Variants in PIGF observed in about 807,000 individuals in gnomAD.
PIGF encodes phosphatidylinositol glycan anchor biosynthesis class F.
Under a neutral mutation model 26.0 loss-of-function variants are expected in PIGF, and 23 were observed. The observed-to-expected ratio is 0.88, with a 90% CI of 0.64 to 1.25. The LOEUF is 1.25. PIGF is among the 50% of genes most tolerant of loss of function. The pLI is 0.00. For synonymous variants in PIGF, 93 were observed against 92.6 expected (o/e 1.00, Z -0.03); for missense variants, 278 against 249.9 (o/e 1.11, Z -0.76).
At chr2:46,599,743 GT>G (rs1215700791) in intron 4 of PIGF, among the ~76,000 whole-genome samples, 2 of 152,058 alleles carry the variant, frequency 1.3e-5, no homozygotes, top group South Asian at 2.1e-4. Flanking sequence ...CTGTGTGGAG[GT>G]TTTTTTGTTT....
intron 1 of PIGF, chr2:46,616,206 C>T (rs893699771): frequency 6.6e-6 from 1 of 152,184 alleles, no homozygotes; most frequent in Non-Finnish European, 1.5e-5. Context: ...TGAGGTGGTC[C>T]AAGGTCCCAT....
intron 4 of PIGF, among the ~76,000 whole-genome samples, chr2:46,610,765 G>T (rs982464958): frequency 6.6e-6 from 1 of 151,946 alleles, no homozygotes; most frequent in Non-Finnish European, 1.5e-5. Context: ...CCTGACCTCA[G>T]GTGATCCACC....
intron 5 of PIGF, chr2:46,582,846 GGAGA>G (rs950212386): frequency 2.0e-5 from 3 of 152,660 alleles, no homozygotes; most frequent in Non-Finnish European, 4.4e-5. Flanking sequence ...ATTGAAGAGT[GGAGA>G]GAGTCTACTG....
intron 1 of PIGF, chr2:46,615,402 T>G (rs1670584518): frequency 8.5e-6 from 3 of 350,888 alleles, no homozygotes; most frequent in Admixed American, 9.1e-5. Context: ...TCTCAGAGCC[T>G]AAAAAGAACA....
Position 46,588,162 on chromosome 2 carries a change from T to C in PIGF, c.546+4313A>G. The C allele has an allele frequency of 6.2e-7, 1 of 1,612,600 alleles. No homozygotes were observed. Among genetic ancestry groups the C allele is most frequent in the Admixed American group, 1.7e-5 (1 of 59,804 alleles). ...CATGGAGAGATCTATAAGTGCTACGTTTTCTTTCTACTGTCATCTGAAATG... is the reference window on the plus strand; with the variant it reads ...CATGGAGAGATCTATAAGTGCTACGCTTTCTTTCTACTGTCATCTGAAATG... On this transcript the variant is annotated intron_variant, in intron 5 of 5. Transcript: ENST00000281382. This position sits in a 1 kb window ranked among gnomAD's most constrained non-coding sequence, Gnocchi z 4.1.
At chr2:46,592,069 T>A in intron 5 of PIGF, 1 of 904,464 alleles carries the variant, frequency 1.1e-6, no homozygotes, top group Non-Finnish European at 1.5e-6. Flanking sequence ...ATTCCTATAC[T>A]GGCTGGGCTC....
Position 46,612,344 on chromosome 2 carries a change from C to T in PIGF, c.321G>A (p.Glu107=), listed in dbSNP as rs1274311090. The T allele has an allele frequency of 9.3e-6, 11 of 1,184,106 alleles. No individual in the cohort carries two copies. The highest frequency in any genetic ancestry group is 1.3e-5 in the Non-Finnish European group (11 of 847,690). 73.3% of individuals were successfully genotyped at this position (1,184,106 alleles called of 1,614,324 possible). ...IFVLYGAPLI[E]LALETFLFAV... ...CAAATAAAAATGTTTCCAATGCCAA[C>T]CTAGAAAAAAAAAAAGATTACTTTT... is the stretch of plus-strand genomic sequence containing the variant. The change falls in exon 4 of 6, where the codon GAG becomes GAA. Residue 107 remains glutamate, a splice_region_variant and synonymous_variant. Coordinates refer to ENST00000281382, the MANE Select transcript of PIGF (RefSeq NM_002643.4).
chr2:46,610,239 G>A (rs536723629), intron 4 of PIGF, among the ~76,000 whole-genome samples: 2 of 152,202 alleles, frequency 1.3e-5, no homozygotes, highest in African/African-American at 2.4e-5. Flanking sequence ...GGAACACACA[G>A]GCCACATTAT....
intron 4 of PIGF, among the ~76,000 whole-genome samples, chr2:46,610,333 C>T (rs1670371045): frequency 6.6e-6 from 1 of 152,126 alleles, no homozygotes; most frequent in South Asian, 2.1e-4. Context: ...CTGGAGAAAT[C>T]ACTAATCCAA....
At chr2:46,604,353 G>A (rs1251034047) in intron 4 of PIGF, among the ~76,000 whole-genome samples, 7 of 151,958 alleles carry the variant, frequency 4.6e-5, no homozygotes, top group Non-Finnish European at 7.4e-5. Context: ...CACATTGCTA[G>A]GTATATACCC....
intron 4 of PIGF, among the ~76,000 whole-genome samples, chr2:46,604,719 T>C (rs1436586740): frequency 2.0e-5 from 3 of 151,110 alleles, no homozygotes; most frequent in Admixed American, 2.0e-4. Context: ...GGAAGGGTAG[T>C]AGTGGGGGTG....
intron 4 of PIGF, among the ~76,000 whole-genome samples, chr2:46,599,774 C>T (rs1669998078): frequency 6.6e-6 from 1 of 152,010 alleles, no homozygotes; most frequent in Admixed American, 6.6e-5. Context: ...TCTAGGGTAG[C>T]ACTTTCTTTC....
At position 46,592,525 on chromosome 2, in the gene PIGF, C is replaced by T; in HGVS notation, c.496G>A (p.Ala166Thr). The change falls in exon 5 of 6, where the codon GCA becomes ACA. Residue 166 changes from alanine (A) to threonine (T), a missense_variant. Coordinates refer to ENST00000281382, the MANE Select transcript of PIGF (RefSeq NM_002643.4). ...GGAATAGGAAGTGCTCCAAGCCATG[C>T]TCCTACAAAGCTAGAAATTGTAGTG... ...QITTISSFVG[A>T]WLGALPIPLD... is the part of the protein sequence containing the mutation. 1 of 1,611,636 alleles carries T rather than the reference C, an allele frequency of 6.2e-7. No individual in the cohort carries two copies. Among genetic ancestry groups the T allele is most frequent in the Admixed American group, 1.7e-5 (1 of 60,020 alleles).
chr2:46,589,010 T>C lies in PIGF; in HGVS notation c.546+3465A>G, dbSNP rs145915303. 3.3e-5 allele frequency among the ~76,000 whole-genome samples: 5 copies of C among 152,282 alleles called. No individual in the cohort carries two copies. The highest frequency in any genetic ancestry group is 2.1e-4 in the South Asian group (1 of 4,828). On this transcript the variant is annotated intron_variant, in intron 5 of 5. Transcript: ENST00000281382. This position sits in a 1 kb window ranked among gnomAD's most constrained non-coding sequence, Gnocchi z 4.7. ...AGCAACTATAAGCTTTCTCTAGAAG[T>C]TGAAAAAGCCTATCTGGATTATGGG... is the stretch of plus-strand genomic sequence containing the variant.
chr2:46,608,590 T>C (rs1670297546), intron 4 of PIGF, among the ~76,000 whole-genome samples: 1 of 152,244 alleles, frequency 6.6e-6, no homozygotes, highest in Non-Finnish European at 1.5e-5. Flanking sequence ...ATGGCAGCTA[T>C]AGCCTTACAA....
At chr2:46,593,539 C>A (rs1014772375) in intron 4 of PIGF, among the ~76,000 whole-genome samples, 3 of 152,192 alleles carry the variant, frequency 2.0e-5, no homozygotes, top group African/African-American at 7.2e-5. Context: ...TCTGGTGATT[C>A]TGCCTACCGT....
Position 46,613,729 on chromosome 2 carries a change from A to G in PIGF, c.285T>C (p.His95=), listed in dbSNP as rs561177084. 2.6e-6 allele frequency: 4 copies of G among 1,560,058 alleles called. No homozygotes were observed. The South Asian group carries it at 3.4e-5, about 13-fold the overall frequency. The change falls in exon 3 of 6, where the codon CAT becomes CAC. Residue 95 remains histidine, a synonymous_variant. Transcript: ENST00000281382. ...GTGCTCCATACAGAACAAAAATTAC[A>G]TGAAAGGAGAAACAAGACATAAGAA... ...IYFLMSCFSF[H]VIFVLYGAPL...
At chr2:46,605,208 C>T (rs1462080342) in intron 4 of PIGF, among the ~76,000 whole-genome samples, 1 of 151,952 alleles carries the variant, frequency 6.6e-6, no homozygotes, top group Non-Finnish European at 1.5e-5. Context: ...TAATTATTTC[C>T]TAGCTTATTC....
chr2:46,607,022 C>G (rs1670244562), intron 4 of PIGF, among the ~76,000 whole-genome samples: 1 of 152,138 alleles, frequency 6.6e-6, no homozygotes, highest in African/African-American at 2.4e-5. Flanking sequence ...ACATAAGACC[C>G]AATTTATAAC....
Sources: gnomAD v4.1 joint callset for allele counts (sites outside exome capture counted in the v4.1 genomes callset) on GRCh38, gnomAD v4.1.1 for gene constraint, Gnocchi (gnomAD v3.1) non-coding constraint, MANE v1.5 for transcripts, NCBI Gene and HGNC (gene_info 2026-07-23, HGNC 2026-07-21) for gene names.